Variants in SLC9A9 observed in about 807,000 individuals in gnomAD.
SLC9A9 encodes the protein solute carrier family 9 member A9, also known as sodium/hydrogen exchanger 9.
In SLC9A9, 62 loss-of-function variants were observed where a neutral mutation model predicts 77.8. That is an observed-to-expected ratio of 0.80 (90% confidence interval 0.65 to 0.98). SLC9A9 has a LOEUF of 0.98. Ranked by LOEUF, SLC9A9 falls within the 50% of genes least tolerant of loss-of-function variation. The probability of loss-of-function intolerance (pLI) is 0.00; values close to 1 mark genes in which losing one functional copy is unlikely to be tolerated. For missense variants in SLC9A9, 775 were observed against 774.9 expected, an observed-to-expected ratio of 1.00 and a Z score of 0.00; for synonymous variants, 320 against 283.5, an observed-to-expected ratio of 1.13 and a Z score of -1.29.
At chr3:143,504,786 A>G (rs1349395900) in intron 9 of SLC9A9, among the ~76,000 whole-genome samples, 1 of 152,178 alleles carries the variant, frequency 6.6e-6, no homozygotes, top group East Asian at 1.9e-4. Flanking sequence ...TAATATTCCC[A>G]TTTTACCATT....
At chr3:143,807,502 T>C (rs2008752963) in intron 2 of SLC9A9, among the ~76,000 whole-genome samples, 1 of 152,168 alleles carries the variant, frequency 6.6e-6, no homozygotes, top group East Asian at 1.9e-4. Flanking sequence ...ATGTTCCTTC[T>C]ATTATATAAA....
intron 12 of SLC9A9, among the ~76,000 whole-genome samples, chr3:143,390,472 G>A (rs182394616): frequency 7.9e-5 from 12 of 152,286 alleles, no homozygotes; most frequent in Admixed American, 5.2e-4. Context: ...GGGGTGAATT[G>A]TTCCAAGATG....
intron 14 of SLC9A9, among the ~76,000 whole-genome samples, chr3:143,333,687 C>T (rs1035103053): frequency 6.6e-6 from 1 of 152,182 alleles, no homozygotes; most frequent in Admixed American, 6.5e-5. Context: ...GTGAAGAATT[C>T]CTAATTTTGA....
At chr3:143,782,717 A>G (rs1242134199) in intron 4 of SLC9A9, among the ~76,000 whole-genome samples, 1 of 152,218 alleles carries the variant, frequency 6.6e-6, no homozygotes, top group Non-Finnish European at 1.5e-5. Flanking sequence ...AAGGATATGC[A>G]TTTTACAAAT....
At chr3:143,478,766 T>C (rs773441226) in intron 11 of SLC9A9, among the ~76,000 whole-genome samples, 5 of 152,196 alleles carry the variant, frequency 3.3e-5, no homozygotes, top group Non-Finnish European at 7.3e-5. Flanking sequence ...GATAGACTAA[T>C]TTTTTGAACA....
intron 15 of SLC9A9, among the ~76,000 whole-genome samples, 159 bp from the exon 16 acceptor site, chr3:143,267,088 C>T (rs900865980): frequency 2.6e-5 from 4 of 151,970 alleles, no homozygotes; most frequent in Non-Finnish European, 4.4e-5. Context: ...CATGGTACAG[C>T]CTTTCCCTGA....
At chr3:143,825,264 G>T (rs1005777322) in intron 2 of SLC9A9, among the ~76,000 whole-genome samples, 6 of 152,070 alleles carry the variant, frequency 3.9e-5, no homozygotes, top group Admixed American at 3.3e-4. Flanking sequence ...AGCGATTCCT[G>T]TTACAGGAAG....
intron 14 of SLC9A9, among the ~76,000 whole-genome samples, chr3:143,288,774 A>G (rs1186036908): frequency 6.6e-6 from 1 of 152,226 alleles, no homozygotes; most frequent in Non-Finnish European, 1.5e-5. Flanking sequence ...ATCAAGATGA[A>G]TAATATTAAT....
chr3:143,410,799 A>G (rs2034081596), intron 12 of SLC9A9, among the ~76,000 whole-genome samples: 1 of 152,298 alleles, frequency 6.6e-6, no homozygotes, highest in South Asian at 2.1e-4. Flanking sequence ...CCCTTTGAGT[A>G]CAATTTAGCT....
chr3:143,558,595 A>C (rs367667812), intron 8 of SLC9A9, among the ~76,000 whole-genome samples: 2 of 152,126 alleles, frequency 1.3e-5, no homozygotes, highest in Non-Finnish European at 2.9e-5. Context: ...GACATAATGG[A>C]TTTTGGAGTT....
In SLC9A9 at chr3:143,690,719, T is replaced by C. The variant is rs1367145585; in HGVS notation, c.649+2473A>G. Among the ~76,000 whole-genome samples, 3 of 152,126 alleles carry C rather than the reference T, an allele frequency of 2.0e-5. No homozygotes were observed. In the East Asian group the frequency reaches 5.8e-4, roughly 29 times the overall value. ...TCATAATGATGTTTTTAGGAGGTCA[T>C]CTCATTGGTCACATGTGCAGGATGC... On this transcript the variant is annotated intron_variant, in intron 5 of 15. Transcript: ENST00000316549.
intron 6 of SLC9A9, among the ~76,000 whole-genome samples, chr3:143,606,432 C>CTATATATATATATATATA (rs1287074508): frequency 2.2e-4 from 13 of 58,702 alleles, no homozygotes; most frequent in South Asian, 6.4e-4. Context: ...CTCTCTCTCT[C>CTATATATATATATATATA]TCTCTATATA....
intron 9 of SLC9A9, chr3:143,517,323 C>T: frequency 2.4e-6 from 3 of 1,236,142 alleles, no homozygotes; most frequent in Non-Finnish European, 3.5e-6. Context: ...CCAGGCATGC[C>T]CCCTCCCATT....
chr3:143,529,765 T>C (rs1436789679), intron 9 of SLC9A9, among the ~76,000 whole-genome samples: 1 of 152,218 alleles, frequency 6.6e-6, no homozygotes, highest in Non-Finnish European at 1.5e-5. Context: ...AAGTCATTGA[T>C]ATGTACACCG....
Position 143,762,953 on chromosome 3 carries a change from G to A in SLC9A9, c.533+32048C>T, listed in dbSNP as rs139622881. Among the ~76,000 whole-genome samples, 1,072 of 152,286 alleles carry A rather than the reference G, an allele frequency of 7.0e-3. 6 individuals carry two copies. Among genetic ancestry groups the A allele is most frequent in the Non-Finnish European group, 0.012 (799 of 68,012 alleles). On this transcript the variant is annotated intron_variant, in intron 4 of 15. Coordinates refer to ENST00000316549, the MANE Select transcript of SLC9A9 (RefSeq NM_173653.4). ...TGGGAAGCAATCAGCGGAATGCCAG[G>A]CATTGGGAGGGGAACTTCTGGTCCA...
At position 143,534,802 on chromosome 3, in the gene SLC9A9, T is replaced by C. The variant is rs147194394; in HGVS notation, c.1089+17560A>G. 4.6e-5 allele frequency among the ~76,000 whole-genome samples: 7 copies of C among 152,324 alleles called. No homozygotes were observed. The East Asian group carries it at 9.6e-4, about 21-fold the overall frequency. ...GATCAAAAAGATGTATTTGGATAAA[T>C]ACATTCAGTTTGGCTTGAGATTTTC... On this transcript the variant is annotated intron_variant, in intron 9 of 15. Coordinates refer to ENST00000316549, the MANE Select transcript of SLC9A9 (RefSeq NM_173653.4).
At chr3:143,526,291 G>A (rs1289596132) in intron 9 of SLC9A9, among the ~76,000 whole-genome samples, 1 of 152,152 alleles carries the variant, frequency 6.6e-6, no homozygotes, top group Admixed American at 6.5e-5. Context: ...AGCCATCTGC[G>A]TCTCTGCACA....
chr3:143,776,964 A>G (rs2007710596), intron 4 of SLC9A9, among the ~76,000 whole-genome samples: 1 of 152,208 alleles, frequency 6.6e-6, no homozygotes. Flanking sequence ...TCAATATAAA[A>G]ATTATCTTTT....
chr3:143,688,937 G>GA (rs35043307), intron 5 of SLC9A9, among the ~76,000 whole-genome samples: 64,830 of 150,544 alleles, frequency 0.43, 14,175 homozygotes, highest in South Asian at 0.6. Flanking sequence ...CTTATAAATA[G>GA]AAAAAATATA....
Sources: allele counts gnomAD v4.1 joint callset (sites outside exome capture counted in the v4.1 genomes callset), GRCh38; gene constraint gnomAD v4.1.1; transcripts MANE v1.5; gene names NCBI Gene and HGNC (gene_info 2026-07-23, HGNC 2026-07-21).